Variants in PDZRN3 observed in about 807,000 individuals in gnomAD.
The protein encoded by PDZRN3 is E3 ubiquitin-protein ligase PDZRN3.
PDZRN3 carries 38 observed loss-of-function variants against 85.7 expected under a neutral mutation model. The observed-to-expected ratio is 0.44, with a 90% CI of 0.34 to 0.58. PDZRN3 has a LOEUF of 0.58. PDZRN3 is among the 20% of genes least tolerant of loss of function. The probability of loss-of-function intolerance (pLI) is 0.01; values close to 1 mark genes in which losing one functional copy is unlikely to be tolerated. For missense variants in PDZRN3, 1,629 were observed against 1,506.4 expected (o/e 1.08, Z -1.35); for synonymous variants, 759 against 638.0 (o/e 1.19, Z -2.86).
chr3:73,565,288 C>A (rs1359057669), intron 3 of PDZRN3, among the ~76,000 whole-genome samples: 8 of 151,994 alleles, frequency 5.3e-5, no homozygotes, highest in Non-Finnish European at 1.2e-4. Context: ...GCTACTATGT[C>A]CTGCTAATTT....
At chr3:73,437,488 G>C (rs1702552665) in intron 3 of PDZRN3, among the ~76,000 whole-genome samples, 2 of 152,178 alleles carry the variant, frequency 1.3e-5, no homozygotes, top group South Asian at 2.1e-4. Flanking sequence ...TGGACCCCCA[G>C]GGGTGCCCGG....
At chr3:73,469,930 GTAGT>G (rs558982038) in intron 3 of PDZRN3, among the ~76,000 whole-genome samples, 315 of 152,250 alleles carry the variant, frequency 2.1e-3, no homozygotes, top group Non-Finnish European at 3.4e-3. Flanking sequence ...TTGAAAGTGG[GTAGT>G]TAGTTCAATG....
intron 2 of PDZRN3, 132 bp downstream of exon 2, chr3:73,608,466 A>G: frequency 2.9e-6 from 2 of 689,846 alleles, no homozygotes; most frequent in Non-Finnish European, 2.6e-6. Context: ...TAGACAGCCA[A>G]TGAACCCTCT....
intron 3 of PDZRN3, among the ~76,000 whole-genome samples, chr3:73,417,829 T>A (rs1702123021): frequency 6.6e-6 from 1 of 152,238 alleles, no homozygotes; most frequent in Non-Finnish European, 1.5e-5. Flanking sequence ...GTCTCCAAGC[T>A]ATCTATCTCC....
At chr3:73,561,651 G>C (rs1701817065) in intron 3 of PDZRN3, 1 of 152,190 alleles carries the variant, frequency 6.6e-6, no homozygotes, top group Non-Finnish European at 1.5e-5. Context: ...GTTGAAAAAT[G>C]ATGCACTCAC....
At chr3:73,408,331 G>A (rs1412174870) in intron 3 of PDZRN3, 1 of 629,926 alleles carries the variant, frequency 1.6e-6, no homozygotes, top group African/African-American at 1.8e-5. Context: ...TACTGGTAAT[G>A]CCTAAATGCC....
intron 3 of PDZRN3, among the ~76,000 whole-genome samples, chr3:73,445,762 T>A (rs924522231): frequency 2.0e-5 from 3 of 152,186 alleles, no homozygotes; most frequent in Admixed American, 1.3e-4. Flanking sequence ...TATATATGTG[T>A]GTCCAAAAGC....
chr3:73,382,670 A>ATTCT lies in PDZRN3; in HGVS notation c.*691_*694dup. On this transcript the variant is annotated 3_prime_UTR_variant, in exon 10 of 10. Transcript: ENST00000263666. Reference sequence around the variant, plus strand: ...ATCCACAACTTTCCTGTACATGCAAATTCTTTCAATGGGCTGCAATATTTG... The same window carrying ATTCT: ...ATCCACAACTTTCCTGTACATGCAAATTCTTTCTTTCAATGGGCTGCAATATTTG... The ATTCT allele has an allele frequency of 6.6e-6, 1 of 152,650 alleles. No homozygotes were observed. Among genetic ancestry groups the ATTCT allele is most frequent in the Non-Finnish European group, 1.5e-5 (1 of 68,042 alleles). 9.5% of individuals were successfully genotyped at this position (152,650 alleles called of 1,614,324 possible).
intron 3 of PDZRN3, among the ~76,000 whole-genome samples, chr3:73,418,681 C>T (rs1036624166): frequency 1.3e-5 from 2 of 152,198 alleles, no homozygotes; most frequent in Non-Finnish European, 1.5e-5. Context: ...CTTCCCCACC[C>T]TATGGCTATG....
At chr3:73,508,195 G>A (rs1312456020) in intron 3 of PDZRN3, among the ~76,000 whole-genome samples, 3 of 152,136 alleles carry the variant, frequency 2.0e-5, no homozygotes, top group Admixed American at 2.0e-4. Flanking sequence ...CCCGGCACAT[G>A]CTGGACACCC....
chr3:73,385,582 C>A, intron 9 of PDZRN3, 87 bp downstream of exon 9: 1 of 808,626 alleles, frequency 1.2e-6, no homozygotes. Context: ...TTCTGATGGT[C>A]TTTAGCACCA....
chr3:73,481,477 T>C (rs996947069), intron 3 of PDZRN3, among the ~76,000 whole-genome samples: 7 of 152,068 alleles, frequency 4.6e-5, no homozygotes, highest in South Asian at 2.1e-4. Context: ...ATTACAGGCA[T>C]GCGCCTTCAT....
At chr3:73,623,913 C>T (rs1702911149) in intron 1 of PDZRN3, 190 bp downstream of exon 1, 1 of 510,770 alleles carries the variant, frequency 2.0e-6, no homozygotes, top group Admixed American at 4.3e-5. Flanking sequence ...TATAAAGGAC[C>T]ACAGTGTTCC....
At position 73,404,233 on chromosome 3, in the gene PDZRN3, C is replaced by T. The variant is rs766576546; in HGVS notation, c.1081G>A (p.Asp361Asn). 9.3e-6 allele frequency: 15 copies of T among 1,613,872 alleles called. No homozygotes were observed. Among genetic ancestry groups the T allele is most frequent in the South Asian group, 1.1e-5 (1 of 91,064 alleles). The change falls in exon 4 of 10, where the codon GAC (aspartate) becomes AAC (asparagine). Residue 361 changes from aspartate (D) to asparagine (N), a missense_variant. Physicochemically the swap from Asp to Asn is conservative, Grantham distance 23. Transcript: ENST00000263666. The part of the protein sequence containing the change: ...SQLVDTGTQT[D>N]ITFEHIMALT... ...GCCATGATATGTTCAAAGGTGATGT[C>T]GGTTTGGGTTCCCGTGTCCACCAGC...
intron 3 of PDZRN3, among the ~76,000 whole-genome samples, chr3:73,512,422 C>T (rs1704183720): frequency 2.6e-5 from 4 of 152,226 alleles, no homozygotes; most frequent in Admixed American, 2.6e-4. Context: ...CGCTACTAGG[C>T]ATCCACATTC....
chr3:73,579,215 G>A (rs191579130), intron 3 of PDZRN3, among the ~76,000 whole-genome samples: 2 of 152,226 alleles, frequency 1.3e-5, no homozygotes, highest in Non-Finnish European at 2.9e-5. Context: ...AAGCAAGAAG[G>A]TACCATCTTT....
chr3:73,388,817 G>A (rs1326193574), intron 7 of PDZRN3, among the ~76,000 whole-genome samples: 1 of 150,036 alleles, frequency 6.7e-6, no homozygotes, highest in Non-Finnish European at 1.5e-5. Context: ...AGATGGGCTT[G>A]CTGTGACACA....
intron 3 of PDZRN3, among the ~76,000 whole-genome samples, chr3:73,595,106 T>C (rs372770482): frequency 2.0e-4 from 30 of 152,328 alleles, no homozygotes; most frequent in Admixed American, 5.2e-4. Context: ...ATTGTCGTTA[T>C]GTATACTGAA....
chr3:73,491,755 A>G (rs2106661604), intron 3 of PDZRN3, among the ~76,000 whole-genome samples: 1 of 151,742 alleles, frequency 6.6e-6, no homozygotes, highest in African/African-American at 2.4e-5. Flanking sequence ...ACCACTGTGT[A>G]TGGCTAATAT....
Sources: allele counts gnomAD v4.1 joint callset (sites outside exome capture counted in the v4.1 genomes callset), GRCh38; gene constraint gnomAD v4.1.1; transcripts MANE v1.5; gene names NCBI Gene and HGNC (gene_info 2026-07-23, HGNC 2026-07-21).